Variants in EFNA4 observed in about 807,000 individuals in gnomAD.
EFNA4 encodes the protein ephrin-A4.
EFNA4 carries 22 observed loss-of-function variants against 23.7 expected under a neutral mutation model. The observed-to-expected ratio is 0.93, with a 90% CI of 0.66 to 1.32. The LOEUF (loss-of-function observed/expected upper bound fraction) is 1.32, where lower values mean the gene tolerates loss of function less well. Among genes scored for constraint, EFNA4 ranks in the 40% most tolerant of loss-of-function variants. The pLI is 0.00. For missense variants in EFNA4, 252 were observed against 252.3 expected (o/e 1.00, Z 0.01); for synonymous variants, 113 against 108.3 (o/e 1.04, Z -0.27).
intron 2 of EFNA4, 37 bp downstream of exon 2, chr1:155,067,053 A>G: frequency 6.4e-7 from 1 of 1,564,434 alleles, no homozygotes; most frequent in East Asian, 2.2e-5. Context: ...CCTCTTGTGT[A>G]CCAGAAGGGT....
intron 3 of EFNA4, 62 bp from the exon 4 acceptor site, chr1:155,068,786 TGGGAA>T (rs1324032964): frequency 1.3e-6 from 2 of 1,501,430 alleles, no homozygotes; most frequent in African/African-American, 1.4e-5. Context: ...GAACTGCTAA[TGGGAA>T]GGGGAGGAAG....
intron 1 of EFNA4, among the ~76,000 whole-genome samples, chr1:155,064,914 C>T (rs1388478516): frequency 6.6e-6 from 1 of 152,186 alleles, no homozygotes; most frequent in Non-Finnish European, 1.5e-5. Flanking sequence ...GGCAGGAGAG[C>T]CTGCATAAAG....
chr1:155,067,282 A>G, intron 2 of EFNA4, 90 bp from the exon 3 acceptor site: 1 of 1,482,224 alleles, frequency 6.7e-7, no homozygotes, highest in South Asian at 1.1e-5. Context: ...GGACCTGGAG[A>G]GAAGAAAACC....
intron 1 of EFNA4, among the ~76,000 whole-genome samples, chr1:155,066,187 C>A (rs540693812): frequency 6.6e-6 from 1 of 152,214 alleles, no homozygotes; most frequent in Admixed American, 6.5e-5. Context: ...CTTTTTTTAC[C>A]GTGACATTCT....
intron 1 of EFNA4, among the ~76,000 whole-genome samples, chr1:155,064,225 C>A (rs1662924343): frequency 6.6e-6 from 1 of 152,324 alleles, no homozygotes; most frequent in East Asian, 1.9e-4. Flanking sequence ...CCGGGCTCCG[C>A]CCCCCTCGCT....
At position 155,066,816 on chromosome 1, in the gene EFNA4, C is replaced by T. The variant is rs1553267556; in HGVS notation, c.200C>T (p.Pro67Leu). The change falls in exon 2 of 4, where the codon CCT (proline) becomes CTT (leucine). Residue 67 changes from proline to leucine, a missense_variant. Coordinates refer to ENST00000368409, the MANE Select transcript of EFNA4 (RefSeq NM_005227.3). ...VCPHYEGPGPPEGPETFALYM... is the reference protein window; with the variant it reads ...VCPHYEGPGPLEGPETFALYM... ...CCCCACTACGAAGGCCCAGGGCCCC[C>T]TGAGGGCCCCGAGACGTTTGCTTTG... The T allele has an allele frequency of 1.9e-6, 3 of 1,613,950 alleles. No individual in the cohort carries two copies. Among genetic ancestry groups the T allele is most frequent in the Non-Finnish European group, 1.7e-6 (2 of 1,179,946 alleles).
intron 1 of EFNA4, among the ~76,000 whole-genome samples, chr1:155,064,900 C>T (rs1472161952): frequency 6.6e-6 from 1 of 152,186 alleles, no homozygotes; most frequent in African/African-American, 2.4e-5. Context: ...GGAGAACAGG[C>T]GCAGGCAGGA....
chr1:155,065,549 T>C (rs1344219450), intron 1 of EFNA4, among the ~76,000 whole-genome samples: 1 of 150,066 alleles, frequency 6.7e-6, no homozygotes, highest in Non-Finnish European at 1.5e-5. Context: ...TTTTTTTAAT[T>C]TTTAGAATTT....
Position 155,069,070 on chromosome 1 carries a change from G to A in EFNA4, c.*81G>A. 3 of 1,611,672 alleles carry A rather than the reference G, an allele frequency of 1.9e-6. No homozygotes were observed. The highest frequency in any genetic ancestry group is 2.2e-5 in the South Asian group (2 of 90,950). On this transcript the variant is annotated 3_prime_UTR_variant, in exon 4 of 4. Coordinates refer to ENST00000368409, the MANE Select transcript of EFNA4 (RefSeq NM_005227.3). ...GGAGGAGGAGGGATCCCTGCTGCCT[G>A]CACTGGGGGTGCCAATTCAGACCGA...
rs1663111938 is a variant in EFNA4 at position 155,068,841 on chromosome 1, T to TC, written c.470-7dup. The TC allele has an allele frequency of 1.2e-6, 2 of 1,606,012 alleles. No individual in the cohort carries two copies. The highest frequency in any genetic ancestry group is 1.7e-6 in the Non-Finnish European group (2 of 1,175,822). ...GGGAGGACTGATCAGTGCTACCCCC[T>TC]CCCCCTCACAGAGTCTGAGTCAGCC... On this transcript the variant is annotated splice_polypyrimidine_tract_variant and intron_variant, in intron 3 of 3. Coordinates refer to ENST00000368409, the MANE Select transcript of EFNA4 (RefSeq NM_005227.3).
Position 155,067,009 on chromosome 1 carries a change from C to T in EFNA4, c.393C>T (p.Tyr131=), listed in dbSNP as rs778025181. 21 of 1,606,282 alleles carry T rather than the reference C, an allele frequency of 1.3e-5. No individual in the cohort carries two copies. Among genetic ancestry groups the T allele is most frequent in the Non-Finnish European group, 1.7e-5 (20 of 1,175,638 alleles). ...GFEFLPGETY[Y]YISVPTPESS... ...AGTTCTTACCTGGAGAGACTTACTACTACATCTGTGAGTGGCCAAGGGCAC... is the reference window on the plus strand; with the variant it reads ...AGTTCTTACCTGGAGAGACTTACTATTACATCTGTGAGTGGCCAAGGGCAC... The change falls in exon 2 of 4, where the codon TAC becomes TAT. Residue 131 remains tyrosine (Y), a synonymous_variant. Transcript: ENST00000368409.
chr1:155,069,304 C>A lies in EFNA4; in HGVS notation c.*315C>A. 9.2e-7 allele frequency: 1 copy of A among 1,083,410 alleles called. No individual in the cohort carries two copies. Among genetic ancestry groups the A allele is most frequent in the Non-Finnish European group, 1.3e-6 (1 of 786,812 alleles). The allele number at this position is 1,083,410 out of a possible 1,614,324, so 67.1% of individuals were successfully genotyped here. A position where few individuals can be genotyped will look rare whatever the true frequency, so the allele number is the denominator to read the frequency against. On this transcript the variant is annotated 3_prime_UTR_variant, in exon 4 of 4. Transcript: ENST00000368409. ...GATTTGGTATGATCAAATCCTCAAG[C>A]CAGCTGGGGGCCCAGGCTGAAGACC... is the stretch of plus-strand genomic sequence containing the variant.
chr1:155,064,840 T>G (rs544870789), intron 1 of EFNA4, among the ~76,000 whole-genome samples: 1 of 152,156 alleles, frequency 6.6e-6, no homozygotes, highest in Non-Finnish European at 1.5e-5. Context: ...GGATTAACTA[T>G]ATAGATGAGA....
At position 155,063,872 on chromosome 1, in the gene EFNA4, G is replaced by C. The variant is rs1254487338; in HGVS notation, c.49G>C (p.Gly17Arg). The part of the protein sequence containing the change: ...LRTVLWAAFL[G>R]SPLRGGSSLR... Reference sequence around the variant, plus strand: ...GACTGTCCTCTGGGCCGCGTTCCTCGGCTCCCCTCTGCGCGGGGGCTCCAG... The same window carrying C: ...GACTGTCCTCTGGGCCGCGTTCCTCCGCTCCCCTCTGCGCGGGGGCTCCAG... Residue 17 changes from glycine to arginine, a missense_variant, in exon 1 of 4, where the codon GGC (glycine) becomes CGC (arginine). Gly to Arg is a moderately radical substitution (Grantham distance 125). Coordinates refer to ENST00000368409, the MANE Select transcript of EFNA4 (RefSeq NM_005227.3). The surrounding 1 kb of genome is among the most constrained non-coding windows in gnomAD (Gnocchi z 4.1). 6.4e-7 allele frequency: 1 copy of C among 1,560,714 alleles called. No individual in the cohort carries two copies. The highest frequency in any genetic ancestry group is 8.7e-7 in the Non-Finnish European group (1 of 1,154,616).
chr1:155,069,376 A>C lies in EFNA4; in HGVS notation c.*387A>C. ...ACCAGGGCAAAGAAGAAGCCCTGCC[A>C]TCTGTGCCCTGTGGGCCTTTTCCCT... On this transcript the variant is annotated 3_prime_UTR_variant, in exon 4 of 4. Coordinates refer to ENST00000368409, the MANE Select transcript of EFNA4 (RefSeq NM_005227.3). The C allele has an allele frequency of 1.7e-6, 1 of 577,544 alleles. No homozygotes were observed. Among genetic ancestry groups the C allele is most frequent in the Non-Finnish European group, 2.9e-6 (1 of 345,536 alleles). 35.8% of individuals were successfully genotyped at this position (577,544 alleles called of 1,614,324 possible).
chr1:155,065,478 G>C (rs2102441264), intron 1 of EFNA4, among the ~76,000 whole-genome samples: 1 of 150,994 alleles, frequency 6.6e-6, no homozygotes, highest in African/African-American at 2.4e-5. Context: ...CCTGGCACTT[G>C]CTCCTCCTGG....
Position 155,069,097 on chromosome 1 carries a change from A to G in EFNA4, c.*108A>G. ...ACTGGGGGTGCCAATTCAGACCGAC[A>G]AGATGGAGCATTGATGGGGGAGATC... On this transcript the variant is annotated 3_prime_UTR_variant, in exon 4 of 4. Transcript: ENST00000368409. 1 of 1,610,664 alleles carries G rather than the reference A, an allele frequency of 6.2e-7. No individual in the cohort carries two copies. Among genetic ancestry groups the G allele is most frequent in the Non-Finnish European group, 8.5e-7 (1 of 1,178,920 alleles).
chr1:155,065,826 G>A (rs1010183710), intron 1 of EFNA4, among the ~76,000 whole-genome samples: 17 of 151,676 alleles, frequency 1.1e-4, no homozygotes, highest in Admixed American at 4.6e-4. Flanking sequence ...TCCGCCTCCC[G>A]GGTTCACGCC....
chr1:155,068,035 C>T (rs1300312932), intron 3 of EFNA4, among the ~76,000 whole-genome samples: 1 of 152,224 alleles, frequency 6.6e-6, no homozygotes, highest in African/African-American at 2.4e-5. Context: ...ATTCTCCTGC[C>T]TTAGCTTCCC....
Sources: allele counts gnomAD v4.1 joint callset (sites outside exome capture counted in the v4.1 genomes callset), GRCh38; gene constraint gnomAD v4.1.1; non-coding constraint Gnocchi (gnomAD v3.1); transcripts MANE v1.5; gene names NCBI Gene and HGNC (gene_info 2026-07-23, HGNC 2026-07-21).